XRN2: variants seen among roughly 807,000 people sequenced by gnomAD.
XRN2 encodes the protein DHM1-like protein.
In XRN2, 44 loss-of-function variants were observed where a neutral mutation model predicts 138.5. The ratio of observed to expected loss-of-function variants is 0.32; its 90% CI spans 0.25 to 0.41. XRN2 has a LOEUF of 0.41. XRN2 is among the 10% of genes least tolerant of loss of function. The probability of loss-of-function intolerance (pLI) is 1.00; values close to 1 mark genes in which losing one functional copy is unlikely to be tolerated. For missense variants in XRN2, 937 were observed against 1,169.3 expected (o/e 0.80, Z 2.90); for synonymous variants, 354 against 369.4 (o/e 0.96, Z 0.48).
At chr20:21,317,844 C>T (rs1159376237) in intron 1 of XRN2, among the ~76,000 whole-genome samples, 1 of 152,074 alleles carries the variant, frequency 6.6e-6, no homozygotes, top group African/African-American at 2.4e-5. Context: ...ATACGGAGGG[C>T]TGACTGTATT....
intron 1 of XRN2, among the ~76,000 whole-genome samples, chr20:21,322,597 A>G (rs922954716): frequency 3.3e-5 from 5 of 152,146 alleles, no homozygotes; most frequent in African/African-American, 7.2e-5. Flanking sequence ...CTACTGAGCT[A>G]TTGGTGGTGG....
At chr20:21,331,929 G>C (rs2038215562) in intron 8 of XRN2, 111 bp downstream of exon 8, 1 of 1,212,712 alleles carries the variant, frequency 8.2e-7, no homozygotes, top group East Asian at 2.4e-5. Flanking sequence ...AAAATGCCTT[G>C]GTTATTTTAT....
chr20:21,309,118 G>C (rs542602399), intron 1 of XRN2, among the ~76,000 whole-genome samples: 1 of 152,304 alleles, frequency 6.6e-6, no homozygotes, highest in Admixed American at 6.5e-5. Flanking sequence ...TTGTGTCTCT[G>C]TTCACAAAAG....
chr20:21,335,271 G>A (rs1488843232), intron 13 of XRN2, among the ~76,000 whole-genome samples: 1 of 152,090 alleles, frequency 6.6e-6, no homozygotes, highest in African/African-American at 2.4e-5. Context: ...GCCAGCAGTG[G>A]GCAAAATAAG....
chr20:21,346,647 T>C (rs1568583461), intron 17 of XRN2, 97 bp downstream of exon 17: 1 of 1,461,874 alleles, frequency 6.8e-7, no homozygotes. Context: ...TGAGACGGAG[T>C]CTTGCCCTGT....
chr20:21,373,386 G>T (rs1177972191), intron 27 of XRN2, among the ~76,000 whole-genome samples: 2 of 152,212 alleles, frequency 1.3e-5, no homozygotes, highest in Non-Finnish European at 2.9e-5. Context: ...TAGCATTTGG[G>T]TTGGTTTCTG....
At chr20:21,361,309 A>G (rs969706747) in intron 24 of XRN2, among the ~76,000 whole-genome samples, 1 of 152,216 alleles carries the variant, frequency 6.6e-6, no homozygotes, top group Non-Finnish European at 1.5e-5. Context: ...ACAATCAAGC[A>G]TTTAAAATAG....
chr20:21,358,506 T>G (rs1003102722), intron 24 of XRN2, among the ~76,000 whole-genome samples: 1 of 152,184 alleles, frequency 6.6e-6, no homozygotes, highest in Non-Finnish European at 1.5e-5. Context: ...CAAACACATC[T>G]CAGGTATTCA....
chr20:21,326,810 T>C (rs753721732), intron 3 of XRN2, among the ~76,000 whole-genome samples: 1 of 152,204 alleles, frequency 6.6e-6, no homozygotes, highest in African/African-American at 2.4e-5. Context: ...ACTGGGGATG[T>C]TGGCGACTGC....
In XRN2 at chr20:21,349,386, T is replaced by C. The variant is rs770036940; in HGVS notation, c.1864-3T>C. 1.0e-5 allele frequency: 16 copies of C among 1,565,870 alleles called. No homozygotes were observed. Among genetic ancestry groups the C allele is most frequent in the East Asian group, 2.2e-5 (1 of 44,516 alleles). Reference sequence around the variant, plus strand: ...TGATTCTTTACTTTTCTCCCTAATATAGGATTCTAGTATAATTGACTTCTA... The same window carrying C: ...TGATTCTTTACTTTTCTCCCTAATACAGGATTCTAGTATAATTGACTTCTA... On this transcript the variant is annotated splice_region_variant and splice_polypyrimidine_tract_variant and intron_variant, in intron 19 of 29. Transcript: ENST00000377191.
chr20:21,313,454 G>A (rs2037913980), intron 1 of XRN2, among the ~76,000 whole-genome samples: 1 of 152,186 alleles, frequency 6.6e-6, no homozygotes, highest in Admixed American at 6.5e-5. Context: ...TCAGTGAGTA[G>A]ACATATTTGC....
chr20:21,343,872 G>A (rs6082391), intron 15 of XRN2, among the ~76,000 whole-genome samples: 95,837 of 151,482 alleles, frequency 0.63, 30,762 homozygotes, highest in South Asian at 0.78. Flanking sequence ...ATTGTTTTTA[G>A]TTTAAGCATA....
chr20:21,362,216 TTTA>T (rs2038644970), intron 24 of XRN2, among the ~76,000 whole-genome samples: 1 of 152,268 alleles, frequency 6.6e-6, no homozygotes, highest in South Asian at 2.1e-4. Context: ...TAAAAACAAT[TTTA>T]TTAAGGAATA....
intron 5 of XRN2, 28 bp from the exon 6 acceptor site, chr20:21,330,588 G>T: frequency 6.2e-7 from 1 of 1,613,156 alleles, no homozygotes. Flanking sequence ...TAAATGATAG[G>T]TTAATTTATT....
intron 13 of XRN2, among the ~76,000 whole-genome samples, chr20:21,337,648 C>T (rs2038314459): frequency 6.6e-6 from 1 of 152,140 alleles, no homozygotes. Context: ...CATTTCTGCC[C>T]AGTGTTCCAT....
At chr20:21,336,247 G>A (rs997659404) in intron 13 of XRN2, among the ~76,000 whole-genome samples, 6 of 152,182 alleles carry the variant, frequency 3.9e-5, no homozygotes, top group Non-Finnish European at 8.8e-5. Flanking sequence ...ATCACCTGAG[G>A]TTAGGAGCTT....
At chr20:21,354,714 C>T in intron 20 of XRN2, 75 bp from the exon 21 acceptor site, 1 of 1,379,626 alleles carries the variant, frequency 7.2e-7, no homozygotes, top group South Asian at 1.2e-5. Context: ...TAGAAACGTT[C>T]ATTTCGAGCA....
At chr20:21,323,585 A>G (rs2038078026) in intron 1 of XRN2, among the ~76,000 whole-genome samples, 1 of 152,178 alleles carries the variant, frequency 6.6e-6, no homozygotes, top group South Asian at 2.1e-4. Context: ...AAGTTACATA[A>G]TAAGTGTGTT....
At chr20:21,362,921 T>G (rs546177628) in intron 24 of XRN2, among the ~76,000 whole-genome samples, 1 of 152,290 alleles carries the variant, frequency 6.6e-6, no homozygotes, top group East Asian at 1.9e-4. Flanking sequence ...CTTAATTCCC[T>G]CCCACATCCC....
Sources: gnomAD v4.1 joint callset for allele counts (sites outside exome capture counted in the v4.1 genomes callset) on GRCh38, gnomAD v4.1.1 for gene constraint, MANE v1.5 for transcripts, NCBI Gene and HGNC (gene_info 2026-07-23, HGNC 2026-07-21) for gene names.